PLXNA4: variants seen among roughly 807,000 people sequenced by gnomAD.
PLXNA4 encodes the protein plexin A4.
A neutral mutation model predicts 191.8 loss-of-function variants in PLXNA4; 44 were observed. The observed-to-expected ratio is 0.23, with a 90% confidence interval of 0.18 to 0.29. The LOEUF is 0.29. Among genes scored for constraint, PLXNA4 ranks in the 10% least tolerant of loss-of-function variants. The pLI is 1.00. For missense variants in PLXNA4, 1,800 were observed against 2,488.8 expected (o/e 0.72, Z 5.89); for synonymous variants, 1,082 against 1,009.5 (o/e 1.07, Z -1.36).
intron 2 of PLXNA4, among the ~76,000 whole-genome samples, chr7:132,584,281 T>C (rs1214290594): frequency 2.0e-5 from 3 of 152,236 alleles, no homozygotes; most frequent in Non-Finnish European, 4.4e-5. Context: ...CCAAGTCCTG[T>C]AGGTAAGGAG....
chr7:132,562,058 C>T, intron 1 of PLXNA4, among the ~76,000 whole-genome samples: 1 of 126,800 alleles, frequency 7.9e-6, no homozygotes, highest in Non-Finnish European at 1.6e-5. Flanking sequence ...CCTCTCCCTC[C>T]TCCTTCTCCT....
chr7:132,148,577 T>A lies in PLXNA4; in HGVS notation c.4730A>T (p.Asp1577Val), dbSNP rs775410182. ...DEDITTKIEN[D>V]WKRLNTLAHY... The stretch of plus-strand genomic sequence containing the variant: ...GGCCAGTGTGTTCAGTCGCTTCCAA[T>A]CATTCTCAATCTTGGTGGTGATGTC... Residue 1577 changes from aspartate to valine, a missense_variant, in exon 26 of 32, where the codon GAT becomes GTT. Physicochemically the swap from Asp to Val is radical, Grantham distance 152. Around this residue, in one of 6 missense-constraint regions of PLXNA4, gnomAD observed 214 missense variants for 298.2 expected, o/e 0.72. Transcript: ENST00000321063. 6.2e-7 allele frequency: 1 copy of A among 1,614,104 alleles called. No individual in the cohort carries two copies. Among genetic ancestry groups the A allele is most frequent in the Non-Finnish European group, 8.5e-7 (1 of 1,180,012 alleles).
intron 1 of PLXNA4, among the ~76,000 whole-genome samples, chr7:132,570,158 C>T (rs1108116): frequency 0.059 from 9,028 of 152,184 alleles, 770 homozygotes; most frequent in East Asian, 0.41. Context: ...TACTTGACTG[C>T]GGAAACTTTT....
At chr7:132,286,914 T>C (rs1263114116) in intron 4 of PLXNA4, among the ~76,000 whole-genome samples, 1 of 152,162 alleles carries the variant, frequency 6.6e-6, no homozygotes. Context: ...GAGTACTTTC[T>C]AGAGGCTTTG....
At chr7:132,601,186 T>C (rs1290814558) in intron 2 of PLXNA4, among the ~76,000 whole-genome samples, 1 of 152,140 alleles carries the variant, frequency 6.6e-6, no homozygotes, top group African/African-American at 2.4e-5. Context: ...CAGTAAATAT[T>C]GAGGGAATTT....
chr7:132,389,816 G>A (rs1049612272), intron 3 of PLXNA4, among the ~76,000 whole-genome samples: 3 of 152,134 alleles, frequency 2.0e-5, no homozygotes, highest in African/African-American at 7.2e-5. Context: ...GAAAGTCAAT[G>A]GCAGCCTGAT....
At chr7:132,287,360 C>T (rs564893845) in intron 4 of PLXNA4, among the ~76,000 whole-genome samples, 1 of 152,172 alleles carries the variant, frequency 6.6e-6, no homozygotes, top group Non-Finnish European at 1.5e-5. Context: ...ATGACAGCAA[C>T]CACAACTTAC....
intron 3 of PLXNA4, among the ~76,000 whole-genome samples, chr7:132,410,954 G>A (rs563749035): frequency 2.0e-5 from 3 of 152,306 alleles, no homozygotes; most frequent in East Asian, 3.9e-4. Flanking sequence ...CCAGTCCTCA[G>A]TAGCATCTTT....
At position 132,606,267 on chromosome 7, in the gene PLXNA4, G is replaced by A. The variant is rs1802922049; in HGVS notation, c.-87+39661C>T. On this transcript the variant is annotated intron_variant, in intron 2 of 4. Coordinates refer to the PLXNA4 transcript ENST00000378539. ...GTTCCATAGGGAGCATGGCCCTGCA[G>A]TCACCTTGATTTTAGAATTCCAGCC... is the stretch of plus-strand genomic sequence containing the variant. 2.0e-5 allele frequency among the ~76,000 whole-genome samples: 3 copies of A among 152,344 alleles called. No homozygotes were observed. In the South Asian group the frequency reaches 6.2e-4, roughly 32 times the overall value.
chr7:132,443,520 T>C (rs1303842738), intron 3 of PLXNA4, among the ~76,000 whole-genome samples: 1 of 152,094 alleles, frequency 6.6e-6, no homozygotes, highest in East Asian at 1.9e-4. Context: ...GTTTCTAGAG[T>C]CAATTCCAGC....
At chr7:132,361,352 C>T (rs1018116178) in intron 3 of PLXNA4, among the ~76,000 whole-genome samples, 1 of 152,020 alleles carries the variant, frequency 6.6e-6, no homozygotes, top group Non-Finnish European at 1.5e-5. Flanking sequence ...GTAGGTACCT[C>T]GTGGGCTACA....
In PLXNA4 at chr7:132,283,024, C is replaced by T. The variant is rs575112065; in HGVS notation, c.1503+15067G>A. Reference sequence around the variant, plus strand: ...CCCCCAAGTAACTGGGACCTACAGGCGCTCACCACCATACCCAGCTAATTT... The same window carrying T: ...CCCCCAAGTAACTGGGACCTACAGGTGCTCACCACCATACCCAGCTAATTT... On this transcript the variant is annotated intron_variant, in intron 4 of 31. Coordinates refer to ENST00000321063, the MANE Select transcript of PLXNA4 (RefSeq NM_020911.2). 1.3e-3 allele frequency among the ~76,000 whole-genome samples: 194 copies of T among 152,004 alleles called. 1 individual carries two copies. Among genetic ancestry groups the T allele is most frequent in the African/African-American group, 3.8e-3 (159 of 41,466 alleles).
At chr7:132,435,743 C>A (rs1195956947) in intron 3 of PLXNA4, among the ~76,000 whole-genome samples, 3 of 152,164 alleles carry the variant, frequency 2.0e-5, no homozygotes, top group African/African-American at 7.2e-5. Context: ...GTGAGTGTGA[C>A]CATCCACAGC....
intron 2 of PLXNA4, among the ~76,000 whole-genome samples, chr7:132,623,501 G>A (rs964325778): frequency 3.0e-4 from 45 of 152,128 alleles, no homozygotes; most frequent in African/African-American, 1.1e-3. Context: ...CTTTAAAAAG[G>A]ACTCACCCAT....
rs564543704 is a variant in PLXNA4 at position 132,564,967 on chromosome 7, C to T, written c.-87+11455G>A. On this transcript the variant is annotated intron_variant, in intron 1 of 31. Coordinates refer to ENST00000321063, the MANE Select transcript of PLXNA4 (RefSeq NM_020911.2). ...TGCTGCATTCTCCTTTCCGACCTGC[C>T]ATCCCTGCTGCATTCTCCTTTCCGA... Among the ~76,000 whole-genome samples the T allele has an allele frequency of 2.0e-5, 3 of 150,592 alleles. No homozygotes were observed. In the South Asian group the frequency reaches 6.3e-4, roughly 32 times the overall value.
intron 2 of PLXNA4, among the ~76,000 whole-genome samples, chr7:132,506,785 A>G (rs1312111729): frequency 2.6e-5 from 4 of 152,146 alleles, no homozygotes; most frequent in Non-Finnish European, 5.9e-5. Flanking sequence ...GGCTCCCCAC[A>G]GCTCTCCCAT....
At chr7:132,449,655 A>G (rs1486389811) in intron 3 of PLXNA4, among the ~76,000 whole-genome samples, 1 of 152,172 alleles carries the variant, frequency 6.6e-6, no homozygotes, top group Non-Finnish European at 1.5e-5. Context: ...CATGACTGCC[A>G]CCATTGGTCA....
At chr7:132,502,554 C>T (rs779647451) in intron 2 of PLXNA4, among the ~76,000 whole-genome samples, 7 of 152,096 alleles carry the variant, frequency 4.6e-5, no homozygotes, top group African/African-American at 9.7e-5. Context: ...TGTAGGGCCC[C>T]GGATCACAAA....
chr7:132,588,965 G>C (rs562990416), intron 2 of PLXNA4, among the ~76,000 whole-genome samples: 2 of 152,172 alleles, frequency 1.3e-5, no homozygotes, highest in Admixed American at 6.5e-5. Flanking sequence ...AAAACCAAAA[G>C]AGATAGTACA....
Sources: allele counts gnomAD v4.1 joint callset (sites outside exome capture counted in the v4.1 genomes callset), GRCh38; gene constraint gnomAD v4.1.1; regional missense constraint gnomAD v4.1.1; transcripts MANE v1.5; gene names NCBI Gene and HGNC (gene_info 2026-07-23, HGNC 2026-07-21).